The following ATXN10 variants were observed in gnomAD, a reference collection of about 807,000 sequenced individuals.
ATXN10 encodes the protein ataxin-10.
Under a neutral mutation model 52.9 loss-of-function variants are expected in ATXN10, and 28 were observed. The observed-to-expected ratio is 0.53, with a 90% CI of 0.39 to 0.73. The LOEUF is 0.73. Ranked by LOEUF, ATXN10 falls within the 30% of genes least tolerant of loss-of-function variation. The pLI is 0.00. For synonymous variants in ATXN10, 226 were observed against 221.5 expected, an observed-to-expected ratio of 1.02 and a Z score of -0.18; for missense variants, 565 against 577.0, an observed-to-expected ratio of 0.98 and a Z score of 0.21.
intron 9 of ATXN10, among the ~76,000 whole-genome samples, chr22:45,768,130 T>G (rs1479062292): frequency 6.6e-6 from 1 of 152,220 alleles, no homozygotes; most frequent in Non-Finnish European, 1.5e-5. Context: ...TTCCTACCCT[T>G]ATTCACTGAA....
At position 45,843,402 on chromosome 22, in the gene ATXN10, G is replaced by T. The variant is rs942681162; in HGVS notation, c.1425+224G>T. Among the ~76,000 whole-genome samples, 1 of 152,152 alleles carries T rather than the reference G, an allele frequency of 6.6e-6. No homozygotes were observed. Among genetic ancestry groups the T allele is most frequent in the Non-Finnish European group, 1.5e-5 (1 of 68,022 alleles). On this transcript the variant is annotated intron_variant, in intron 11 of 11. Transcript: ENST00000252934. This position sits in a 1 kb window ranked among gnomAD's most constrained non-coding sequence, Gnocchi z 4.5. Reference sequence around the variant, plus strand: ...AGAGGGACAATTTCAAACTCATTCTGGGTGAGAAATACAAAAGGCATATCA... The same window carrying T: ...AGAGGGACAATTTCAAACTCATTCTTGGTGAGAAATACAAAAGGCATATCA...
At chr22:45,792,809 T>G (rs977701292) in intron 9 of ATXN10, 11 of 530,858 alleles carry the variant, frequency 2.1e-5, no homozygotes, top group African/African-American at 1.7e-4. Flanking sequence ...CATTCTGTAC[T>G]TTGAATAATG....
rs752511295 is a variant in ATXN10, at chr22:45,719,051, A to AT, written c.728+572dup. 4.3e-3 allele frequency among the ~76,000 whole-genome samples: 590 copies of AT among 138,614 alleles called. 3 individuals are homozygous for AT. Among genetic ancestry groups the AT allele is most frequent in the African/African-American group, 0.012 (451 of 38,068 alleles). The allele number at this position is 138,614 out of a possible 152,430, so 90.9% of individuals were successfully genotyped here. On this transcript the variant is annotated intron_variant, in intron 6 of 11. Transcript: ENST00000252934. The stretch of plus-strand genomic sequence containing the variant: ...GGGATTCAGGTTCGTGTGTGTGTGT[A>AT]TTTTTTTTTTTTTTCCTAAACCTCT...
At chr22:45,752,153 A>G (rs1197009739) in intron 9 of ATXN10, among the ~76,000 whole-genome samples, 15 of 152,224 alleles carry the variant, frequency 9.9e-5, no homozygotes. Flanking sequence ...CTATTTTGGC[A>G]TAGTGGTAAG....
rs532080197 is a variant in ATXN10, at chr22:45,708,982, A to G, written c.647+6135A>G. ...TGAACTTTTTACCCAGTTTCACTAC[A>G]AAAATGAAGTTATAACTGGGAGCAA... On this transcript the variant is annotated intron_variant, in intron 5 of 11. Coordinates refer to ENST00000252934, the MANE Select transcript of ATXN10 (RefSeq NM_013236.4). This position sits in a 1 kb window ranked among gnomAD's most constrained non-coding sequence, Gnocchi z 5.3. Among the ~76,000 whole-genome samples the G allele has an allele frequency of 6.6e-6, 1 of 152,344 alleles. No individual in the cohort carries two copies. The highest frequency in any genetic ancestry group is 2.1e-4 in the South Asian group (1 of 4,820).
Position 45,672,136 on chromosome 22 carries a change from G to T in ATXN10, c.73G>T (p.Ala25Ser), listed in dbSNP as rs1321258908. 1.9e-6 allele frequency: 3 copies of T among 1,540,172 alleles called. No individual in the cohort carries two copies. The highest frequency in any genetic ancestry group is 2.4e-5 in the South Asian group (2 of 83,812). Reference sequence around the variant, plus strand: ...GCCGGCGCCCATCCAAGACCTGGAGGCCCTGCGCGCGCTCACGGCGCTCTT... The same window carrying T: ...GCCGGCGCCCATCCAAGACCTGGAGTCCCTGCGCGCGCTCACGGCGCTCTT... The part of the protein sequence containing the change: ...MVPAPIQDLE[A>S]LRALTALFKE... Residue 25 changes from alanine to serine, a missense_variant, in exon 1 of 12, where the codon GCC becomes TCC. Coordinates refer to ENST00000252934, the MANE Select transcript of ATXN10 (RefSeq NM_013236.4).
chr22:45,693,082 G>A lies in ATXN10; in HGVS notation c.391+4G>A. 1.2e-6 allele frequency: 2 copies of A among 1,611,854 alleles called. No individual in the cohort carries two copies. Among genetic ancestry groups the A allele is most frequent in the Non-Finnish European group, 1.7e-6 (2 of 1,178,044 alleles). ...GAACAGGAATCTCTGTTGACAGGTA[G>A]CATGCAATATAATTCATGGATTATT... On this transcript the variant is annotated splice_donor_region_variant and intron_variant, in intron 3 of 11. Coordinates refer to ENST00000252934, the MANE Select transcript of ATXN10 (RefSeq NM_013236.4).
chr22:45,819,837 G>A lies in ATXN10; in HGVS notation c.1237+12815G>A, dbSNP rs1439416408. 6.6e-6 allele frequency among the ~76,000 whole-genome samples: 1 copy of A among 152,148 alleles called. No individual in the cohort carries two copies. Among genetic ancestry groups the A allele is most frequent in the East Asian group, 1.9e-4 (1 of 5,202 alleles). ...GAAAGTTAATACCTTTTTAAATTGC[G>A]AAACTTAAATACCATTGCCACACAG... On this transcript the variant is annotated intron_variant, in intron 10 of 11. Coordinates refer to ENST00000252934, the MANE Select transcript of ATXN10 (RefSeq NM_013236.4). This position sits in a 1 kb window ranked among gnomAD's most constrained non-coding sequence, Gnocchi z 4.5.
chr22:45,729,741 A>T (rs761572224), intron 7 of ATXN10, 151 bp downstream of exon 7: 2 of 899,876 alleles, frequency 2.2e-6, no homozygotes, highest in Admixed American at 2.0e-5. Context: ...GAAAATTTAG[A>T]TAAGGGAAAA....
Position 45,784,395 on chromosome 22 carries a change from G to A in ATXN10, c.1174-22564G>A, listed in dbSNP as rs763410584. 2.0e-5 allele frequency among the ~76,000 whole-genome samples: 3 copies of A among 152,036 alleles called. No individual in the cohort carries two copies. Among genetic ancestry groups the A allele is most frequent in the East Asian group, 1.9e-4 (1 of 5,186 alleles). The stretch of plus-strand genomic sequence containing the variant: ...ATACTTGGCACGTTTCCTTTCCCTC[G>A]CCTATTTCCCATTTTCAAGCAGAGC... On this transcript the variant is annotated intron_variant, in intron 9 of 11. Coordinates refer to ENST00000252934, the MANE Select transcript of ATXN10 (RefSeq NM_013236.4). The surrounding 1 kb of genome is among the most constrained non-coding windows in gnomAD (Gnocchi z 4.2).
In ATXN10 at chr22:45,789,467, A is replaced by G. The variant is rs1386614293; in HGVS notation, c.1174-17492A>G. Reference sequence around the variant, plus strand: ...CTTGTCATTGAAAGCCCCAGAGTCTAATGAAAGAGTGAGACAAGCAAACAA... The same window carrying G: ...CTTGTCATTGAAAGCCCCAGAGTCTGATGAAAGAGTGAGACAAGCAAACAA... On this transcript the variant is annotated intron_variant, in intron 9 of 11. Transcript: ENST00000252934. The surrounding 1 kb of genome is among the most constrained non-coding windows in gnomAD (Gnocchi z 4.0). Among the ~76,000 whole-genome samples the G allele has an allele frequency of 1.3e-5, 2 of 152,158 alleles. No individual in the cohort carries two copies. Among genetic ancestry groups the G allele is most frequent in the African/African-American group, 4.8e-5 (2 of 41,420 alleles).
intron 9 of ATXN10, among the ~76,000 whole-genome samples, chr22:45,773,406 G>A (rs928106124): frequency 6.6e-6 from 1 of 151,858 alleles, no homozygotes; most frequent in Admixed American, 6.6e-5. Context: ...CTCTGTGGGG[G>A]TTAAATGGGA....
rs755885837 is a variant in ATXN10 at position 45,689,812 on chromosome 22, A to G, written c.217A>G (p.Asn73Asp). Residue 73 changes from asparagine (N) to aspartate (D), a missense_variant, in exon 2 of 12, where the codon AAC (asparagine) becomes GAC (aspartate). Transcript: ENST00000252934. ...CTGCAGAGATCCATCCCAAGTGGAA[A>G]ACCTGGCTTCCAGTCTGCAGTTAAT... ...LACRDPSQVE[N>D]LASSLQLITE... The G allele has an allele frequency of 1.9e-6, 3 of 1,614,232 alleles. No individual in the cohort carries two copies. The South Asian group carries it at 3.3e-5, about 18-fold the overall frequency.
At position 45,775,636 on chromosome 22, in the gene ATXN10, T is replaced by C. The variant is rs1286364695; in HGVS notation, c.1174-31323T>C. Among the ~76,000 whole-genome samples the C allele has an allele frequency of 2.0e-5, 3 of 152,220 alleles. No individual in the cohort carries two copies. Among genetic ancestry groups the C allele is most frequent in the Non-Finnish European group, 4.4e-5 (3 of 68,040 alleles). Reference sequence around the variant, plus strand: ...TTAGCCTGTGTAATGACACTGTTTTTCTCCTTCGTGTGACTATTTATAATA... The same window carrying C: ...TTAGCCTGTGTAATGACACTGTTTTCCTCCTTCGTGTGACTATTTATAATA... On this transcript the variant is annotated intron_variant, in intron 9 of 11. Coordinates refer to ENST00000252934, the MANE Select transcript of ATXN10 (RefSeq NM_013236.4). The surrounding 1 kb of genome is among the most constrained non-coding windows in gnomAD (Gnocchi z 4.7).
At position 45,718,817 on chromosome 22, in the gene ATXN10, G is replaced by C. The variant is rs1331910744; in HGVS notation, c.728+324G>C. 6.6e-6 allele frequency among the ~76,000 whole-genome samples: 1 copy of C among 152,088 alleles called. No homozygotes were observed. The highest frequency in any genetic ancestry group is 1.5e-5 in the Non-Finnish European group (1 of 68,014). ...CTGTGTATTACAGTTGAATATTTGAGGTGTACTCATTTGTTTAGGTCATGG... is the reference window on the plus strand; with the variant it reads ...CTGTGTATTACAGTTGAATATTTGACGTGTACTCATTTGTTTAGGTCATGG... On this transcript the variant is annotated intron_variant, in intron 6 of 11. Coordinates refer to ENST00000252934, the MANE Select transcript of ATXN10 (RefSeq NM_013236.4). This position sits in a 1 kb window ranked among gnomAD's most constrained non-coding sequence, Gnocchi z 4.4.
chr22:45,764,420 G>A (rs769047264), intron 9 of ATXN10, among the ~76,000 whole-genome samples: 1 of 152,128 alleles, frequency 6.6e-6, no homozygotes, highest in Non-Finnish European at 1.5e-5. Context: ...CCTTCCCCAT[G>A]AGTTTGAGTC....
intron 5 of ATXN10, among the ~76,000 whole-genome samples, chr22:45,703,784 A>G (rs1449796291): frequency 2.0e-5 from 3 of 152,192 alleles, no homozygotes; most frequent in Admixed American, 2.0e-4. Flanking sequence ...CTGTTTAAAG[A>G]GGCATTATAT....
At position 45,745,889 on chromosome 22, in the gene ATXN10, A is replaced by G. The variant is rs571629051; in HGVS notation, c.1173+5351A>G. On this transcript the variant is annotated intron_variant, in intron 9 of 11. Transcript: ENST00000252934. Reference sequence around the variant, plus strand: ...TCAAGGAGTGTAAATATTACTATACAATTTTCTGACTAAATTTACAAAGAC... The same window carrying G: ...TCAAGGAGTGTAAATATTACTATACGATTTTCTGACTAAATTTACAAAGAC... Among the ~76,000 whole-genome samples, 5 of 152,302 alleles carry G rather than the reference A, an allele frequency of 3.3e-5. No individual in the cohort carries two copies. In the East Asian group the frequency reaches 7.7e-4, roughly 24 times the overall value.
chr22:45,675,836 TA>T (rs1922664666), intron 1 of ATXN10: 1 of 152,252 alleles, frequency 6.6e-6, no homozygotes, highest in Admixed American at 6.5e-5. Flanking sequence ...ACCCACTTCT[TA>T]AACAGTGTCT....
Sources: allele counts gnomAD v4.1 joint callset (sites outside exome capture counted in the v4.1 genomes callset), GRCh38; gene constraint gnomAD v4.1.1; non-coding constraint Gnocchi (gnomAD v3.1); transcripts MANE v1.5; gene names NCBI Gene and HGNC (gene_info 2026-07-23, HGNC 2026-07-21).